LSAMP: variants seen among roughly 807,000 people sequenced by gnomAD.
The protein encoded by LSAMP is limbic system-associated membrane protein.
In LSAMP, 7 loss-of-function variants were observed where a neutral mutation model predicts 38.6. That is an observed-to-expected ratio of 0.18 (90% CI 0.10 to 0.34). The LOEUF is 0.34. Among genes scored for constraint, LSAMP ranks in the 10% least tolerant of loss-of-function variants. LSAMP has a pLI of 1.00. For synonymous variants in LSAMP, 154 were observed against 166.8 expected, an observed-to-expected ratio of 0.92 and a Z score of 0.59; for missense variants, 313 against 420.0, an observed-to-expected ratio of 0.75 and a Z score of 2.23.
At chr3:116,061,190 G>A (rs1334466120) in intron 2 of LSAMP, among the ~76,000 whole-genome samples, 2 of 152,104 alleles carry the variant, frequency 1.3e-5, no homozygotes, top group Non-Finnish European at 2.9e-5. Context: ...AAGCTTTTCT[G>A]TATCAAGTAA....
chr3:116,000,900 A>G (rs1170732666), intron 3 of LSAMP, among the ~76,000 whole-genome samples: 2 of 152,158 alleles, frequency 1.3e-5, no homozygotes, highest in African/African-American at 4.8e-5. Context: ...ACCTCCTTTT[A>G]TCTCTCATTC....
At chr3:115,992,801 T>C (rs952892417) in intron 3 of LSAMP, among the ~76,000 whole-genome samples, 2 of 152,066 alleles carry the variant, frequency 1.3e-5, no homozygotes, top group African/African-American at 4.8e-5. Flanking sequence ...GAAGTTGCAT[T>C]GATATGACTG....
chr3:116,416,651 C>T (rs1419734671), intron 1 of LSAMP, among the ~76,000 whole-genome samples: 3 of 152,088 alleles, frequency 2.0e-5, no homozygotes, highest in Admixed American at 1.3e-4. Context: ...CCAGGACAAA[C>T]CTAATGTCTT....
At chr3:115,965,691 GACAA>G (rs1938783653) in intron 3 of LSAMP, among the ~76,000 whole-genome samples, 1 of 146,122 alleles carries the variant, frequency 6.8e-6, no homozygotes, top group South Asian at 2.1e-4. Flanking sequence ...AAAAAAGAAA[GACAA>G]ACAACACAAA....
At chr3:115,824,210 C>T (rs1012112237) in intron 6 of LSAMP, among the ~76,000 whole-genome samples, 9 of 152,118 alleles carry the variant, frequency 5.9e-5, no homozygotes, top group Non-Finnish European at 1.0e-4. Context: ...TTAGATAAAT[C>T]CCAGAAGTAA....
intron 3 of LSAMP, among the ~76,000 whole-genome samples, chr3:115,984,427 G>A (rs753212608): frequency 7.2e-5 from 11 of 152,070 alleles, no homozygotes; most frequent in Non-Finnish European, 1.6e-4. Context: ...AAGAATCAGT[G>A]ATTTTCTTCC....
intron 3 of LSAMP, among the ~76,000 whole-genome samples, chr3:116,010,526 G>A (rs1940293938): frequency 6.6e-6 from 1 of 152,226 alleles, no homozygotes; most frequent in Admixed American, 6.5e-5. Flanking sequence ...TGTGATAACT[G>A]CTGAGAGGAA....
At chr3:116,206,041 T>G (rs909236812) in intron 1 of LSAMP, among the ~76,000 whole-genome samples, 2 of 151,976 alleles carry the variant, frequency 1.3e-5, no homozygotes, top group African/African-American at 2.4e-5. Flanking sequence ...CCTGGACTCT[T>G]TTTGGTTGGT....
rs1345216371 is a variant in LSAMP at position 115,805,418 on chromosome 3, C to T, written c.*4899G>A. Reference sequence around the variant, plus strand: ...TTTTTTCCTTAAGAATCATAGTAAACCTTAGCAGTAGTTGGGCACTGCATG... The same window carrying T: ...TTTTTTCCTTAAGAATCATAGTAAATCTTAGCAGTAGTTGGGCACTGCATG... On this transcript the variant is annotated 3_prime_UTR_variant, in exon 7 of 7. Transcript: ENST00000490035. 1 of 151,812 alleles carries T rather than the reference C, an allele frequency of 6.6e-6. No individual in the cohort carries two copies. The highest frequency in any genetic ancestry group is 1.9e-4 in the East Asian group (1 of 5,186). 9.4% of individuals were successfully genotyped at this position (151,812 alleles called of 1,614,324 possible). A position where few individuals can be genotyped will look rare whatever the true frequency, so the allele number is the denominator to read the frequency against.
intron 1 of LSAMP, among the ~76,000 whole-genome samples, chr3:116,312,332 T>C (rs1483234235): frequency 2.6e-5 from 4 of 152,158 alleles, no homozygotes; most frequent in African/African-American, 9.7e-5. Flanking sequence ...CTGCCCATCT[T>C]TGGACTTCTC....
chr3:115,966,126 T>C (rs907613873), intron 3 of LSAMP, among the ~76,000 whole-genome samples: 1 of 152,176 alleles, frequency 6.6e-6, no homozygotes, highest in Non-Finnish European at 1.5e-5. Context: ...AATAAAAGTG[T>C]TCTGTACATC....
intron 1 of LSAMP, among the ~76,000 whole-genome samples, chr3:116,204,382 C>T (rs190611160): frequency 1.1e-4 from 16 of 152,224 alleles, no homozygotes; most frequent in Admixed American, 5.9e-4. Context: ...GTTTCTTTTG[C>T]TGTGCAGAAG....
intron 1 of LSAMP, among the ~76,000 whole-genome samples, chr3:116,241,994 A>T (rs1246472144): frequency 7.6e-6 from 1 of 132,176 alleles, no homozygotes; most frequent in Admixed American, 8.2e-5. Flanking sequence ...CTACCATAAA[A>T]GTGAGGCTTT....
chr3:115,900,435 G>T (rs1251465580), intron 3 of LSAMP, among the ~76,000 whole-genome samples: 1 of 144,788 alleles, frequency 6.9e-6, no homozygotes. Context: ...AGAAACTCTT[G>T]AACCCAGGAG....
At position 115,852,510 on chromosome 3, in the gene LSAMP, C is replaced by T. The variant is rs766482603; in HGVS notation, c.622G>A (p.Val208Ile). 2.5e-6 allele frequency: 4 copies of T among 1,612,732 alleles called. No homozygotes were observed. Among genetic ancestry groups the T allele is most frequent in the Non-Finnish European group, 3.4e-6 (4 of 1,179,382 alleles). ...TTCACAGTGACCTTGACTTGTTTGACATCCGCCGAGGAGACCTCGTTGGCA... is the reference window on the plus strand; with the variant it reads ...TTCACAGTGACCTTGACTTGTTTGATATCCGCCGAGGAGACCTCGTTGGCA... ...KAANEVSSADVKQVKVTVNYP... is the reference protein window; with the variant it reads ...KAANEVSSADIKQVKVTVNYP... Residue 208 changes from valine (V) to isoleucine (I), a missense_variant, in exon 4 of 7, where the codon GTC becomes ATC. Physicochemically the swap from Val to Ile is conservative, Grantham distance 29 (BLOSUM62 3). Coordinates refer to ENST00000490035, the MANE Select transcript of LSAMP (RefSeq NM_002338.5).
intron 3 of LSAMP, among the ~76,000 whole-genome samples, chr3:115,869,906 C>T (rs1414374542): frequency 2.0e-5 from 3 of 151,796 alleles, no homozygotes; most frequent in African/African-American, 7.3e-5. Context: ...TATTTTTTCC[C>T]AAATTTGGGA....
chr3:116,039,974 C>G (rs973944587), intron 2 of LSAMP, among the ~76,000 whole-genome samples: 7 of 151,634 alleles, frequency 4.6e-5, no homozygotes, highest in African/African-American at 1.7e-4. Context: ...GTAACAGCAG[C>G]TCTTTACTCT....
intron 2 of LSAMP, among the ~76,000 whole-genome samples, chr3:116,022,929 T>G (rs1940678435): frequency 6.6e-6 from 1 of 152,130 alleles, no homozygotes; most frequent in African/African-American, 2.4e-5. Flanking sequence ...TGTTTTATTA[T>G]CTTAGTTAAC....
At chr3:116,294,747 T>C (rs1245444561) in intron 1 of LSAMP, among the ~76,000 whole-genome samples, 2 of 152,212 alleles carry the variant, frequency 1.3e-5, no homozygotes, top group Non-Finnish European at 2.9e-5. Flanking sequence ...GGGATATTTA[T>C]TATAGAAGCA....
Sources: gnomAD v4.1 joint callset for allele counts (sites outside exome capture counted in the v4.1 genomes callset) on GRCh38, gnomAD v4.1.1 for gene constraint, MANE v1.5 for transcripts, NCBI Gene and HGNC (gene_info 2026-07-23, HGNC 2026-07-21) for gene names.